HTR4: variants seen among roughly 807,000 people sequenced by gnomAD.
HTR4 encodes the protein 5-hydroxytryptamine receptor 4, also known as 5-hydroxytryptamine (serotonin) receptor 4, G protein-coupled.
A neutral mutation model predicts 36.8 loss-of-function variants in HTR4; 16 were observed. That is an observed-to-expected ratio of 0.43 (90% CI 0.29 to 0.66). HTR4 has a LOEUF of 0.66. Ranked by LOEUF, HTR4 falls within the 30% of genes least tolerant of loss-of-function variation. The pLI, the probability that HTR4 is intolerant of heterozygous loss-of-function variation, is 0.13. For synonymous variants in HTR4, 189 were observed against 185.1 expected, an observed-to-expected ratio of 1.02 and a Z score of -0.17; for missense variants, 438 against 490.9, an observed-to-expected ratio of 0.89 and a Z score of 1.02.
At chr5:148,467,678 TC>T (rs1755463143) in intron 5 of HTR4, among the ~76,000 whole-genome samples, 4 of 152,268 alleles carry the variant, frequency 2.6e-5, no homozygotes, top group Admixed American at 2.6e-4. Context: ...ACATGCCTTA[TC>T]CACAGTCTCC....
chr5:148,636,599 A>C (rs1209888936), intron 2 of HTR4, among the ~76,000 whole-genome samples: 1 of 152,224 alleles, frequency 6.6e-6, no homozygotes, highest in African/African-American at 2.4e-5. Flanking sequence ...TGAGAAAAGA[A>C]GTGGACAAAC....
chr5:148,470,568 T>C (rs1049043806), intron 5 of HTR4, among the ~76,000 whole-genome samples: 3 of 152,258 alleles, frequency 2.0e-5, no homozygotes, highest in African/African-American at 7.2e-5. Flanking sequence ...TGATTGTTGT[T>C]ATTTGTTTTT....
At chr5:148,495,895 G>C (rs2113743968) in intron 6 of HTR4, among the ~76,000 whole-genome samples, 1 of 152,284 alleles carries the variant, frequency 6.6e-6, no homozygotes, top group Non-Finnish European at 1.5e-5. Flanking sequence ...GAGGTCAGGA[G>C]TTCGAGACCA....
intron 5 of HTR4, among the ~76,000 whole-genome samples, chr5:148,520,241 G>C (rs1757951285): frequency 6.6e-6 from 1 of 152,148 alleles, no homozygotes; most frequent in Non-Finnish European, 1.5e-5. Context: ...TGAGTGGACA[G>C]ATATGAATAT....
At chr5:148,509,334 AT>A (rs1448065917) in intron 6 of HTR4, 121 bp downstream of exon 6, 2 of 705,520 alleles carry the variant, frequency 2.8e-6, no homozygotes, top group Non-Finnish European at 4.7e-6. Context: ...AGAATCTTTT[AT>A]AATCTTTGCA....
chr5:148,494,768 C>T (rs1368260675), intron 6 of HTR4, among the ~76,000 whole-genome samples: 3 of 152,186 alleles, frequency 2.0e-5, no homozygotes, highest in African/African-American at 4.8e-5. Context: ...CCAAGAGCCA[C>T]TCACCACATG....
In HTR4 at chr5:148,576,110, C is replaced by CAAAAAAAAAAAAAAAAAAAAAAAAAAAA. The variant is rs781780161; in HGVS notation, c.27-25849_27-25848insTTTTTTTTTTTTTTTTTTTTTTTTTTTT. On this transcript the variant is annotated intron_variant, in intron 2 of 6. Transcript: ENST00000377888. ...TGGGCGACAGAGCGAGACTCCGTCT[C>CAAAAAAAAAAAAAAAAAAAAAAAAAAAA]AAAAAAAAAAAAAAAAAAAAAAACA... Among the ~76,000 whole-genome samples, 10 of 32,710 alleles carry CAAAAAAAAAAAAAAAAAAAAAAAAAAAA rather than the reference C, an allele frequency of 3.1e-4. 1 individual carries two copies. Among genetic ancestry groups the CAAAAAAAAAAAAAAAAAAAAAAAAAAAA allele is most frequent in the African/African-American group, 6.7e-4 (5 of 7,502 alleles). The allele number at this position is 32,710 out of a possible 152,430, so 21.5% of individuals were successfully genotyped here. A position where few individuals can be genotyped will look rare whatever the true frequency, so the allele number is the denominator to read the frequency against.
chr5:148,606,067 T>TA (rs1236534092), intron 2 of HTR4, among the ~76,000 whole-genome samples: 1 of 152,176 alleles, frequency 6.6e-6, no homozygotes, highest in African/African-American at 2.4e-5. Flanking sequence ...TATGGAATTT[T>TA]AAAAAATATT....
chr5:148,548,054 A>G (rs976644951), intron 4 of HTR4, among the ~76,000 whole-genome samples: 1 of 152,232 alleles, frequency 6.6e-6, no homozygotes, highest in African/African-American at 2.4e-5. Flanking sequence ...TGAGGCAAAG[A>G]TGAAAATCAT....
chr5:148,456,333 A>G (rs1755100570), intron 5 of HTR4, among the ~76,000 whole-genome samples: 1 of 152,196 alleles, frequency 6.6e-6, no homozygotes, highest in East Asian at 1.9e-4. Flanking sequence ...TTCAGAGCTC[A>G]CAGTTGCGTT....
At chr5:148,634,199 C>A (rs992674559) in intron 2 of HTR4, among the ~76,000 whole-genome samples, 1 of 152,118 alleles carries the variant, frequency 6.6e-6, no homozygotes, top group Non-Finnish European at 1.5e-5. Context: ...AAGTCTAAAG[C>A]CTTCTCTGAG....
chr5:148,474,915 G>A (rs950910663), downstream of HTR4, among the ~76,000 whole-genome samples: 14 of 152,030 alleles, frequency 9.2e-5, no homozygotes, highest in African/African-American at 2.7e-4. Flanking sequence ...GTGTGGAGGC[G>A]TGTGCCTGTA....
Position 148,483,127 on chromosome 5 carries a change from T to A in HTR4, c.*76A>T, listed in dbSNP as rs573735780. ...CAGGTGAAGAGAATACCGGGTGCAG[T>A]CGCGCACAAGCAGCAGCTTAGGACC... On this transcript the variant is annotated 3_prime_UTR_variant, in exon 7 of 7. Coordinates refer to ENST00000377888, the MANE Select transcript of HTR4 (RefSeq NM_000870.7). 5.0e-6 allele frequency: 8 copies of A among 1,603,306 alleles called. No individual in the cohort carries two copies. The African/African-American group carries it at 1.1e-4, about 21-fold the overall frequency.
intron 2 of HTR4, among the ~76,000 whole-genome samples, chr5:148,597,266 A>T (rs116458312): frequency 0.036 from 5,537 of 152,306 alleles, 142 homozygotes; most frequent in Non-Finnish European, 0.055. Context: ...GATGCATGTC[A>T]TATTCATTTC....
chr5:148,532,850 A>C (rs1758640508), intron 4 of HTR4, among the ~76,000 whole-genome samples: 1 of 152,206 alleles, frequency 6.6e-6, no homozygotes, highest in Non-Finnish European at 1.5e-5. Context: ...GGATTTGTTG[A>C]AACACAGATT....
chr5:148,484,363 C>A (rs777654081), intron 6 of HTR4: 1 of 1,612,160 alleles, frequency 6.2e-7, no homozygotes, highest in Non-Finnish European at 8.5e-7. Context: ...ATGTCTCTGT[C>A]AAACAGAAAA....
intron 5 of HTR4, among the ~76,000 whole-genome samples, chr5:148,451,969 A>G (rs1433881455): frequency 6.6e-6 from 1 of 152,202 alleles, no homozygotes; most frequent in Admixed American, 6.5e-5. Flanking sequence ...AAATTTCTAC[A>G]GATTTTAGAA....
Position 148,458,169 on chromosome 5 carries a change from ATATTT to A in HTR4, c.1077-6902_1077-6898del, listed in dbSNP as rs1274602618. On this transcript the variant is annotated intron_variant, in intron 5 of 5. Transcript: ENST00000521530. ...ATTTAATATATCATTAAAATATATTATATTTTAATATCTATTTAATATATCATTAA... is the reference window on the plus strand; with the variant it reads ...ATTTAATATATCATTAAAATATATTATAATATCTATTTAATATATCATTAA... Among the ~76,000 whole-genome samples, 6 of 145,554 alleles carry A rather than the reference ATATTT, an allele frequency of 4.1e-5. No homozygotes were observed. In the South Asian group the frequency reaches 1.1e-3, roughly 26 times the overall value.
intron 5 of HTR4, chr5:148,465,992 G>T (rs550236397): frequency 2.1e-6 from 3 of 1,457,176 alleles, no homozygotes; most frequent in South Asian, 1.3e-5. Context: ...AAAGAAAAAA[G>T]AAAAAAAAAA....
Sources: allele counts gnomAD v4.1 joint callset (sites outside exome capture counted in the v4.1 genomes callset), GRCh38; gene constraint gnomAD v4.1.1; transcripts MANE v1.5; gene names NCBI Gene and HGNC (gene_info 2026-07-23, HGNC 2026-07-21).